Variants in PACSIN3 observed in about 807,000 individuals in gnomAD.
The protein encoded by PACSIN3 is protein kinase C and casein kinase substrate in neurons protein 3.
In PACSIN3, 34 loss-of-function variants were observed where a neutral mutation model predicts 56.1. That is an observed-to-expected ratio of 0.61 (90% CI 0.46 to 0.81). PACSIN3 has a LOEUF of 0.81. Among genes scored for constraint, PACSIN3 ranks in the 30% least tolerant of loss-of-function variants. PACSIN3 has a pLI of 0.00. For synonymous variants in PACSIN3, 218 were observed against 229.8 expected, an observed-to-expected ratio of 0.95 and a Z score of 0.46; for missense variants, 535 against 592.4, an observed-to-expected ratio of 0.90 and a Z score of 1.01.
chr11:47,181,228 C>G (rs1953018711), intron 4 of PACSIN3, among the ~76,000 whole-genome samples: 1 of 151,936 alleles, frequency 6.6e-6, no homozygotes, highest in Admixed American at 6.6e-5. Flanking sequence ...CGCCGCTGTA[C>G]TCCAGCCTAG....
chr11:47,179,652 TA>T lies in PACSIN3; in HGVS notation c.604-67del. ...TTCCACCCAGGACTCCACCAGTGTTTACCAGACACTGCCATAGGCTGCTAGA... is the reference window on the plus strand; with the variant it reads ...TTCCACCCAGGACTCCACCAGTGTTTCCAGACACTGCCATAGGCTGCTAGA... On this transcript the variant is annotated intron_variant, in intron 6 of 10. Coordinates refer to ENST00000298838, the MANE Select transcript of PACSIN3 (RefSeq NM_016223.5). The surrounding 1 kb of genome is among the most constrained non-coding windows in gnomAD (Gnocchi z 4.4). The T allele has an allele frequency of 6.6e-7, 1 of 1,509,430 alleles. No individual in the cohort carries two copies. Among genetic ancestry groups the T allele is most frequent in the Admixed American group, 1.8e-5 (1 of 56,360 alleles). The allele number at this position is 1,509,430 out of a possible 1,614,324, so 93.5% of individuals were successfully genotyped here.
In PACSIN3 at chr11:47,179,498, C is replaced by A. The variant is rs1206727084; in HGVS notation, c.692G>T (p.Cys231Phe). Residue 231 changes from cysteine to phenylalanine, a missense_variant, in exon 7 of 11, where the codon TGC (cysteine) becomes TTC (phenylalanine). Transcript: ENST00000298838. This position sits in a 1 kb window ranked among gnomAD's most constrained non-coding sequence, Gnocchi z 4.4. The part of the protein sequence containing the change: ...MEDMEQAFET[C>F]QAAERQRLLF... Reference sequence around the variant, plus strand: ...AAGCCGCTGGCGCTCGGCGGCCTGGCAGGTCTCAAAGGCCTGTTCCATGTC... The same window carrying A: ...AAGCCGCTGGCGCTCGGCGGCCTGGAAGGTCTCAAAGGCCTGTTCCATGTC... 2 of 1,613,814 alleles carry A rather than the reference C, an allele frequency of 1.2e-6. No individual in the cohort carries two copies. The highest frequency in any genetic ancestry group is 2.7e-5 in the African/African-American group (2 of 74,936).
rs1952918602 is a variant in PACSIN3, at chr11:47,178,005, A to T, written c.1201T>A (p.Trp401Arg). The part of the protein sequence containing the change: ...LKMSEEDEQG[W>R]CQGQLQSGRI... ...CCACTCTGCAACTGGCCTTGGCACCAGCCCTGCTCGTCCTCCTCACTCATC... is the reference window on the plus strand; with the variant it reads ...CCACTCTGCAACTGGCCTTGGCACCTGCCCTGCTCGTCCTCCTCACTCATC... Residue 401 changes from tryptophan (W) to arginine (R), a missense_variant, in exon 11 of 11, where the codon TGG (tryptophan) becomes AGG (arginine). Trp to Arg is a moderately radical substitution (Grantham distance 101). Transcript: ENST00000298838. This position sits in a 1 kb window ranked among gnomAD's most constrained non-coding sequence, Gnocchi z 4.2. 1 of 1,613,982 alleles carries T rather than the reference A, an allele frequency of 6.2e-7. No individual in the cohort carries two copies. The highest frequency in any genetic ancestry group is 1.3e-5 in the African/African-American group (1 of 74,940).
At position 47,186,387 on chromosome 11, in the gene PACSIN3, C is replaced by T. The variant is rs1953121094; in HGVS notation, c.-142G>A. ...GGCCCCTCGGCGGGTGGGGGTCCGG[C>T]CACGCTCCGGCCCGAGTCCTGCCGC... is the stretch of plus-strand genomic sequence containing the variant. On this transcript the variant is annotated 5_prime_UTR_variant, in exon 1 of 11. Transcript: ENST00000298838. The surrounding 1 kb of genome is among the most constrained non-coding windows in gnomAD (Gnocchi z 4.5). 6.6e-6 allele frequency: 1 copy of T among 151,276 alleles called. No homozygotes were observed. Among genetic ancestry groups the T allele is most frequent in the Non-Finnish European group, 1.5e-5 (1 of 67,702 alleles). The allele number at this position is 151,276 out of a possible 1,614,324, so 9.4% of individuals were successfully genotyped here.
Position 47,177,952 on chromosome 11 carries a change from G to A in PACSIN3, c.1254C>T (p.Tyr418=), listed in dbSNP as rs766869305. 5 of 1,613,560 alleles carry A rather than the reference G, an allele frequency of 3.1e-6. No individual in the cohort carries two copies. The highest frequency in any genetic ancestry group is 2.2e-5 in the East Asian group (1 of 44,896). The change falls in exon 11 of 11, where the codon TAC becomes TAT. Residue 418 remains tyrosine, a synonymous_variant. Transcript: ENST00000298838. ...ACACTCAGGCGCCCACACACTCCAC[G>A]TAGTTGGCAGGGTACAGGCCAATGC... ...SGRIGLYPAN[Y]VECVGA
chr11:47,182,837 A>C, intron 2 of PACSIN3, 73 bp from the exon 3 acceptor site: 1 of 1,183,506 alleles, frequency 8.4e-7, no homozygotes, highest in Non-Finnish European at 1.2e-6. Flanking sequence ...CCCTCTCTAT[A>C]CCTGGGCCTC....
intron 1 of PACSIN3, chr11:47,185,811 G>A (rs4463814): frequency 0.091 from 13,943 of 152,500 alleles, 679 homozygotes; most frequent in African/African-American, 0.12. Context: ...GTGGAGCCAC[G>A]CGGAGCGGCA....
chr11:47,181,029 A>G (rs373308772), intron 4 of PACSIN3, among the ~76,000 whole-genome samples: 5 of 152,134 alleles, frequency 3.3e-5, no homozygotes, highest in African/African-American at 1.2e-4. Flanking sequence ...TTGGGAGGCC[A>G]AGGCGGGTGG....
rs778247680 is a variant in PACSIN3 at position 47,179,710 on chromosome 11, C to T, written c.604-124G>A. ...GCTAGCCACTAGGGGCAATCAGTCCCAAGACCCAGCTCCTGCCCTCAAGGA... is the reference window on the plus strand; with the variant it reads ...GCTAGCCACTAGGGGCAATCAGTCCTAAGACCCAGCTCCTGCCCTCAAGGA... On this transcript the variant is annotated intron_variant, in intron 6 of 10. Coordinates refer to ENST00000298838, the MANE Select transcript of PACSIN3 (RefSeq NM_016223.5). This position sits in a 1 kb window ranked among gnomAD's most constrained non-coding sequence, Gnocchi z 4.4. The T allele has an allele frequency of 7.0e-6, 6 of 852,498 alleles. No individual in the cohort carries two copies. In the Admixed American group the frequency reaches 8.4e-5, roughly 12 times the overall value. 52.8% of individuals were successfully genotyped at this position (852,498 alleles called of 1,614,324 possible). A position where few individuals can be genotyped will look rare whatever the true frequency, so the allele number is the denominator to read the frequency against.
intron 1 of PACSIN3, chr11:47,183,401 C>G (rs1231159029): frequency 6.6e-6 from 1 of 152,256 alleles, no homozygotes; most frequent in Non-Finnish European, 1.5e-5. Flanking sequence ...GAGGAGGGCA[C>G]GAAGGGAACC....
Position 47,178,925 on chromosome 11 carries a change from C to T in PACSIN3, c.1006G>A (p.Ala336Thr), listed in dbSNP as rs2135451660. The T allele has an allele frequency of 6.2e-7, 1 of 1,613,970 alleles. No homozygotes were observed. Among genetic ancestry groups the T allele is most frequent in the Non-Finnish European group, 8.5e-7 (1 of 1,179,988 alleles). Reference protein sequence around the residue: ...TSIVPTRDGTAPPPQSPGSPG... With the variant: ...TSIVPTRDGTTPPPQSPGSPG... ...GACCCCGGGGACTGGGGTGGGGGTG[C>T]GGTGCCATCTCTTGTAGGCACAATG... Residue 336 changes from alanine to threonine, a missense_variant, in exon 9 of 11, where the codon GCA (alanine) becomes ACA (threonine). By Grantham distance (58) the Ala-to-Thr change is moderately conservative. Coordinates refer to ENST00000298838, the MANE Select transcript of PACSIN3 (RefSeq NM_016223.5). This position sits in a 1 kb window ranked among gnomAD's most constrained non-coding sequence, Gnocchi z 4.2.
chr11:47,179,812 C>T lies in PACSIN3; in HGVS notation c.604-226G>A. 1 of 573,896 alleles carries T rather than the reference C, an allele frequency of 1.7e-6. No homozygotes were observed. Among genetic ancestry groups the T allele is most frequent in the South Asian group, 2.3e-5 (1 of 42,920 alleles). The allele number at this position is 573,896 out of a possible 1,614,324, so 35.6% of individuals were successfully genotyped here. ...CTGGTGAGGATTGAAATGAGGTCAA[C>T]CTACAGGAAAGGATGGGAGAAATCA... On this transcript the variant is annotated intron_variant, in intron 6 of 10. Coordinates refer to ENST00000298838, the MANE Select transcript of PACSIN3 (RefSeq NM_016223.5). This position sits in a 1 kb window ranked among gnomAD's most constrained non-coding sequence, Gnocchi z 4.4.
intron 4 of PACSIN3, among the ~76,000 whole-genome samples, chr11:47,181,979 C>T (rs1353073800): frequency 1.3e-5 from 2 of 151,818 alleles, no homozygotes; most frequent in Non-Finnish European, 2.9e-5. Flanking sequence ...ATGGTAAAAC[C>T]CCGTCTTTAC....
Position 47,178,575 on chromosome 11 carries a change from A to AC in PACSIN3, c.1038-89dup. ...CCAGGATCAGGGCAAAGGCCTCCCT[A>AC]CCCCCAGAGGCACCTGGGAGAGTCA... On this transcript the variant is annotated intron_variant, in intron 9 of 10. Transcript: ENST00000298838. The surrounding 1 kb of genome is among the most constrained non-coding windows in gnomAD (Gnocchi z 4.2). The AC allele has an allele frequency of 1.3e-6, 2 of 1,503,660 alleles. No individual in the cohort carries two copies. Among genetic ancestry groups the AC allele is most frequent in the South Asian group, 1.2e-5 (1 of 80,706 alleles). 93.1% of individuals were successfully genotyped at this position (1,503,660 alleles called of 1,614,324 possible). A position where few individuals can be genotyped will look rare whatever the true frequency, so the allele number is the denominator to read the frequency against.
rs568994852 is a variant in PACSIN3, at chr11:47,178,828, G to A, written c.1037+66C>T. 186 of 1,586,882 alleles carry A rather than the reference G, an allele frequency of 1.2e-4. No individual in the cohort carries two copies. The African/African-American group carries it at 2.2e-3, about 19-fold the overall frequency. On this transcript the variant is annotated intron_variant, in intron 9 of 10. Transcript: ENST00000298838. This position sits in a 1 kb window ranked among gnomAD's most constrained non-coding sequence, Gnocchi z 4.2. ...TCAGGTGTGAAAGAAATGAAACCAA[G>A]GAGAAAGGAAAGGAGGGCGGGAGGC... is the stretch of plus-strand genomic sequence containing the variant.
chr11:47,178,554 G>A lies in PACSIN3; in HGVS notation c.1038-67C>T, dbSNP rs1273475856. 4 of 1,575,368 alleles carry A rather than the reference G, an allele frequency of 2.5e-6. No homozygotes were observed. The African/African-American group carries it at 4.1e-5, about 16-fold the overall frequency. ...ACACGGGGCTGGAGATCTCACCCAG[G>A]ATCAGGGCAAAGGCCTCCCTACCCC... On this transcript the variant is annotated intron_variant, in intron 9 of 10. Coordinates refer to ENST00000298838, the MANE Select transcript of PACSIN3 (RefSeq NM_016223.5). This position sits in a 1 kb window ranked among gnomAD's most constrained non-coding sequence, Gnocchi z 4.2.
Position 47,180,447 on chromosome 11 carries a change from A to G in PACSIN3, c.447+8T>C. 1 of 1,594,468 alleles carries G rather than the reference A, an allele frequency of 6.3e-7. No individual in the cohort carries two copies. The highest frequency in any genetic ancestry group is 1.7e-5 in the Admixed American group (1 of 59,474). On this transcript the variant is annotated splice_region_variant and intron_variant, in intron 5 of 10. Transcript: ENST00000298838. ...CCTGTCTCGGATACCTCCCCCACCC[A>G]GCCTCACCTCCTTCAGCCTCTTCAG...
In PACSIN3 at chr11:47,179,740, A is replaced by T. The variant is rs1413023170; in HGVS notation, c.604-154T>A. On this transcript the variant is annotated intron_variant, in intron 6 of 10. Transcript: ENST00000298838. This position sits in a 1 kb window ranked among gnomAD's most constrained non-coding sequence, Gnocchi z 4.4. ...CCCAGCTCCTGCCCTCAAGGACCCC[A>T]GCAGCCTAACAAGGGAGGTGACATC... The T allele has an allele frequency of 1.5e-6, 1 of 652,764 alleles. No individual in the cohort carries two copies. Among genetic ancestry groups the T allele is most frequent in the South Asian group, 2.0e-5 (1 of 50,396 alleles). 40.4% of individuals were successfully genotyped at this position (652,764 alleles called of 1,614,324 possible).
At position 47,177,595 on chromosome 11, in the gene PACSIN3, G is replaced by C. The variant is rs1161282890; in HGVS notation, c.*336C>G. 7 of 349,712 alleles carry C rather than the reference G, an allele frequency of 2.0e-5. No individual in the cohort carries two copies. The highest frequency in any genetic ancestry group is 1.1e-4 in the African/African-American group (5 of 46,554). 21.7% of individuals were successfully genotyped at this position (349,712 alleles called of 1,614,324 possible). A position where few individuals can be genotyped will look rare whatever the true frequency, so the allele number is the denominator to read the frequency against. ...CTAGAACAAGCCACAAGAGGGTGCT[G>C]CTAGGCCAGAACTACACTCACCCCA... On this transcript the variant is annotated 3_prime_UTR_variant, in exon 11 of 11. Transcript: ENST00000298838.
Sources: gnomAD v4.1 joint callset for allele counts (sites outside exome capture counted in the v4.1 genomes callset) on GRCh38, gnomAD v4.1.1 for gene constraint, Gnocchi (gnomAD v3.1) non-coding constraint, MANE v1.5 for transcripts, NCBI Gene and HGNC (gene_info 2026-07-23, HGNC 2026-07-21) for gene names.